Variants in DACH2 observed in about 807,000 individuals in gnomAD.
DACH2 encodes the protein dachshund family transcription factor 2.
Under a neutral mutation model 35.8 loss-of-function variants are expected in DACH2, and 17 were observed. That is an observed-to-expected ratio of 0.48 (90% CI 0.33 to 0.71). The LOEUF is 0.71. Among genes scored for constraint, DACH2 ranks in the 30% least tolerant of loss-of-function variants. The probability of loss-of-function intolerance (pLI) is 0.02; values close to 1 mark genes in which losing one functional copy is unlikely to be tolerated. For synonymous variants in DACH2, 195 were observed against 177.3 expected, an observed-to-expected ratio of 1.10 and a Z score of -0.79; for missense variants, 469 against 472.7, an observed-to-expected ratio of 0.99 and a Z score of 0.07.
chrX:86,154,298 C>G (rs1172109747), intron 1 of DACH2, among the ~76,000 whole-genome samples: 1 of 111,246 alleles, frequency 9.0e-6, no homozygotes, highest in African/African-American at 3.3e-5. Context: ...GTATTAAAAC[C>G]ATCCTAATTG....
intron 2 of DACH2, among the ~76,000 whole-genome samples, chrX:86,446,375 T>C (rs1461540856): frequency 1.3e-5 from 1 of 78,170 alleles, no homozygotes; most frequent in African/African-American, 4.9e-5. Flanking sequence ...ACATGTGCCA[T>C]GCTGGTGCGC....
intron 3 of DACH2, among the ~76,000 whole-genome samples, chrX:86,620,671 T>C (rs2040059282): frequency 1.8e-5 from 2 of 110,827 alleles, no homozygotes; most frequent in Admixed American, 1.9e-4. Context: ...TTTATTAGTT[T>C]CTCCATTGTG....
chrX:86,365,110 C>A (rs774565185), intron 1 of DACH2, among the ~76,000 whole-genome samples: 47 of 111,335 alleles, frequency 4.2e-4, no homozygotes, highest in African/African-American at 1.5e-3. Context: ...CTAATCATAA[C>A]CCTCAACGTG....
intron 3 of DACH2, among the ~76,000 whole-genome samples, chrX:86,580,475 T>G (rs1381463068): frequency 8.9e-6 from 1 of 111,936 alleles, no homozygotes; most frequent in East Asian, 2.8e-4. Context: ...CCCAATTCAA[T>G]GATTCTAAAT....
At chrX:86,724,879 T>C (rs1196566883) in intron 6 of DACH2, among the ~76,000 whole-genome samples, 1 of 111,034 alleles carries the variant, frequency 9.0e-6, no homozygotes, top group Non-Finnish European at 1.9e-5. Context: ...TTATTCATTC[T>C]TTTAATTATT....
intron 1 of DACH2, among the ~76,000 whole-genome samples, chrX:86,300,553 G>A (rs1214832290): frequency 5.5e-5 from 6 of 108,519 alleles, no homozygotes; most frequent in Non-Finnish European, 9.5e-5. Flanking sequence ...GGGAGAGGGG[G>A]GAGGGATAGC....
At chrX:86,480,324 A>G (rs1322134622) in intron 2 of DACH2, among the ~76,000 whole-genome samples, 1 of 111,975 alleles carries the variant, frequency 8.9e-6, no homozygotes, top group Non-Finnish European at 1.9e-5. Context: ...TGCCAAACAA[A>G]TGGATTCTCT....
intron 2 of DACH2, among the ~76,000 whole-genome samples, chrX:86,471,937 C>T (rs867908158): frequency 1.8e-5 from 2 of 111,631 alleles, no homozygotes; most frequent in Non-Finnish European, 3.8e-5. Flanking sequence ...TGTTAATTAG[C>T]TCAATTGAAC....
At chrX:86,220,281 A>G (rs887894870) in intron 1 of DACH2, among the ~76,000 whole-genome samples, 1 of 110,777 alleles carries the variant, frequency 9.0e-6, no homozygotes, top group Non-Finnish European at 1.9e-5. Context: ...TGTATAATGC[A>G]TTATTGTTTA....
At chrX:86,288,868 G>A (rs1190208704) in intron 1 of DACH2, among the ~76,000 whole-genome samples, 1 of 111,730 alleles carries the variant, frequency 9.0e-6, no homozygotes, top group East Asian at 2.9e-4. Context: ...CTGGTTTGGT[G>A]CTCTATTATC....
intron 5 of DACH2, among the ~76,000 whole-genome samples, chrX:86,695,845 T>C (rs1373502160): frequency 9.0e-6 from 1 of 111,134 alleles, no homozygotes; most frequent in African/African-American, 3.3e-5. Context: ...TTGTTAGACG[T>C]TGGAGAAGTC....
intron 1 of DACH2, among the ~76,000 whole-genome samples, chrX:86,163,161 T>C (rs1000832975): frequency 2.7e-5 from 3 of 111,270 alleles, no homozygotes; most frequent in African/African-American, 9.8e-5. Flanking sequence ...ATTTTTTTTG[T>C]ACCCATTAAC....
intron 5 of DACH2, among the ~76,000 whole-genome samples, chrX:86,711,420 A>T (rs1420711895): frequency 4.5e-5 from 5 of 112,242 alleles, no homozygotes; most frequent in African/African-American, 6.5e-5. Context: ...AAATTAAATT[A>T]AAAAAAGAAT....
At chrX:86,466,564 T>C (rs1477261653) in intron 2 of DACH2, among the ~76,000 whole-genome samples, 1 of 111,454 alleles carries the variant, frequency 9.0e-6, no homozygotes, top group Non-Finnish European at 1.9e-5. Flanking sequence ...AAGTCCACAG[T>C]CCAAAGTCTC....
chrX:86,295,981 G>T (rs2034445631), intron 1 of DACH2, among the ~76,000 whole-genome samples: 1 of 111,079 alleles, frequency 9.0e-6, no homozygotes, highest in Non-Finnish European at 1.9e-5. Flanking sequence ...TGGGGAAAAT[G>T]ATTGGTGAAA....
chrX:86,327,422 G>C (rs1008697996), intron 1 of DACH2, among the ~76,000 whole-genome samples: 1 of 111,744 alleles, frequency 8.9e-6, no homozygotes, highest in African/African-American at 3.2e-5. Flanking sequence ...TAGAGAAAAA[G>C]AAATGTTAGA....
intron 2 of DACH2, among the ~76,000 whole-genome samples, chrX:86,510,946 G>A (rs990868653): frequency 2.7e-5 from 3 of 111,796 alleles, no homozygotes; most frequent in African/African-American, 9.8e-5. Context: ...GTAAAATAAA[G>A]CATTACTAAG....
chrX:86,394,887 T>C (rs1365432466), intron 2 of DACH2, among the ~76,000 whole-genome samples: 1 of 111,880 alleles, frequency 8.9e-6, no homozygotes, highest in Non-Finnish European at 1.9e-5. Context: ...TACTTGTCTT[T>C]TGCACACAAT....
chrX:86,171,616 C>CA (rs2031128576), intron 1 of DACH2, among the ~76,000 whole-genome samples: 1 of 111,261 alleles, frequency 9.0e-6, no homozygotes, highest in South Asian at 3.8e-4. Context: ...TGGGATTTGT[C>CA]TGCTCTAACA....
Sources: gnomAD v4.1 joint callset for allele counts (sites outside exome capture counted in the v4.1 genomes callset) on GRCh38, gnomAD v4.1.1 for gene constraint, MANE v1.5 for transcripts, NCBI Gene and HGNC (gene_info 2026-07-23, HGNC 2026-07-21) for gene names.